MPPE1: variants seen among roughly 807,000 people sequenced by gnomAD.
MPPE1 encodes the protein metallo phosphoesterase.
In MPPE1, 28 loss-of-function variants were observed where a neutral mutation model predicts 43.8. The ratio of observed to expected loss-of-function variants is 0.64; its 90% CI spans 0.47 to 0.88. The LOEUF is 0.88. Ranked by LOEUF, MPPE1 falls within the 40% of genes least tolerant of loss-of-function variation. The pLI, the probability that MPPE1 is intolerant of heterozygous loss-of-function variation, is 0.00. For synonymous variants in MPPE1, 159 were observed against 188.5 expected (o/e 0.84, Z 1.28); for missense variants, 428 against 492.2 (o/e 0.87, Z 1.23).
rs764340835 is a variant in MPPE1 at position 11,884,596 on chromosome 18, G to C, written c.1040C>G (p.Ser347Cys). 1 of 1,613,900 alleles carries C rather than the reference G, an allele frequency of 6.2e-7. No individual in the cohort carries two copies. The highest frequency in any genetic ancestry group is 1.7e-5 in the Admixed American group (1 of 60,024). ...GSITPTDYTLSKCYLPREDVV... is the reference protein window; with the variant it reads ...GSITPTDYTLCKCYLPREDVV... ...ATCCTCACGTGGGAGGTAGCACTTG[G>C]AGAGGGTGTAGTCTGTGGGCGTGAT... The change falls in exon 11 of 11, where the codon TCC (serine) becomes TGC (cysteine). Residue 347 changes from serine to cysteine, a missense_variant. Physicochemically the swap from Ser to Cys is moderately radical, Grantham distance 112 (BLOSUM62 -1). Transcript: ENST00000588072.
At chr18:11,900,996 G>GGAAAAATT (rs1020595853) in intron 2 of MPPE1, among the ~76,000 whole-genome samples, 33 of 151,728 alleles carry the variant, frequency 2.2e-4, no homozygotes, top group African/African-American at 6.8e-4. Flanking sequence ...AAAACCTAAC[G>GGAAAAATT]GAAAAATTGG....
rs930805097 is a variant in MPPE1 at position 11,908,252 on chromosome 18, C to T, written c.-251G>A. ...ACAACGCCAGGCAGATGGGGAGCAC[C>T]GGGCGGTGCGGGAGCCCTTTCACCA... is the stretch of plus-strand genomic sequence containing the variant. On this transcript the variant is annotated 5_prime_UTR_variant, in exon 1 of 11. Coordinates refer to ENST00000588072, the MANE Select transcript of MPPE1 (RefSeq NM_023075.6). 6.6e-6 allele frequency: 1 copy of T among 152,254 alleles called. No individual in the cohort carries two copies. The highest frequency in any genetic ancestry group is 1.5e-5 in the Non-Finnish European group (1 of 68,056). The allele number at this position is 152,254 out of a possible 1,614,324, so 9.4% of individuals were successfully genotyped here. A position where few individuals can be genotyped will look rare whatever the true frequency, so the allele number is the denominator to read the frequency against.
Position 11,886,833 on chromosome 18 carries a change from A to C in MPPE1, c.679-55T>G. The C allele has an allele frequency of 6.2e-7, 1 of 1,600,572 alleles. No homozygotes were observed. Among genetic ancestry groups the C allele is most frequent in the Non-Finnish European group, 8.5e-7 (1 of 1,171,436 alleles). ...GCACACCTGACCCTCATCAAAGGGC[A>C]AGAAGCGCTAGGGGGCTGAGTGAGC... On this transcript the variant is annotated intron_variant, in intron 7 of 10. Coordinates refer to ENST00000588072, the MANE Select transcript of MPPE1 (RefSeq NM_023075.6). This position sits in a 1 kb window ranked among gnomAD's most constrained non-coding sequence, Gnocchi z 4.1.
rs1231467081 is a variant in MPPE1, at chr18:11,907,695, G to T, written c.-200+506C>A. On this transcript the variant is annotated intron_variant, in intron 1 of 10. Transcript: ENST00000588072. Reference sequence around the variant, plus strand: ...TTTTTGGTACTTTTGTTGTTATGGTGGGGGCGGGGGACTTGCTATGTTGCC... The same window carrying T: ...TTTTTGGTACTTTTGTTGTTATGGTTGGGGCGGGGGACTTGCTATGTTGCC... 2.7e-5 allele frequency among the ~76,000 whole-genome samples: 4 copies of T among 145,538 alleles called. No homozygotes were observed. In the East Asian group the frequency reaches 8.0e-4, roughly 29 times the overall value.
intron 3 of MPPE1, among the ~76,000 whole-genome samples, chr18:11,896,464 G>A (rs1427030298): frequency 1.3e-5 from 2 of 152,208 alleles, no homozygotes; most frequent in African/African-American, 4.8e-5. Context: ...AGGGGCAGGT[G>A]TGAGTTGGAA....
At chr18:11,893,352 G>A (rs2038216738) in intron 4 of MPPE1, 116 bp downstream of exon 4, 3 of 662,822 alleles carry the variant, frequency 4.5e-6, no homozygotes, top group East Asian at 5.4e-5. Context: ...AATATCAGTA[G>A]TAAGTACAAC....
chr18:11,886,377 G>A lies in MPPE1; in HGVS notation c.867+122C>T. On this transcript the variant is annotated intron_variant, in intron 9 of 10. Coordinates refer to ENST00000588072, the MANE Select transcript of MPPE1 (RefSeq NM_023075.6). The surrounding 1 kb of genome is among the most constrained non-coding windows in gnomAD (Gnocchi z 4.1). ...GGCCTCCACCCCTGTCCCCCCAGGT[G>A]ATAACTAAGTCATGAACGTTTCAGC... 2.9e-6 allele frequency: 4 copies of A among 1,385,356 alleles called. No homozygotes were observed. The South Asian group carries it at 4.7e-5, about 16-fold the overall frequency. 85.8% of individuals were successfully genotyped at this position (1,385,356 alleles called of 1,614,324 possible).
rs1035165956 is a variant in MPPE1 at position 11,885,839 on chromosome 18, C to A, written c.868-23G>T. ...CAGCTGACAGTGGCCGAGAAGACAG[C>A]AAAGCAGGCTGTTAGCTCATCCTCA... On this transcript the variant is annotated intron_variant, in intron 9 of 10. Transcript: ENST00000588072. 8 of 1,589,026 alleles carry A rather than the reference C, an allele frequency of 5.0e-6. No individual in the cohort carries two copies. In the African/African-American group the frequency reaches 1.1e-4, roughly 21 times the overall value.
At chr18:11,893,649 T>C in intron 3 of MPPE1, 73 bp from the exon 4 acceptor site, 1 of 1,193,886 alleles carries the variant, frequency 8.4e-7, no homozygotes, top group Non-Finnish European at 1.2e-6. Context: ...TTATGCACCA[T>C]TTAAACAGCA....
chr18:11,896,095 C>CTTTTTTTT (rs1178920790), intron 3 of MPPE1, among the ~76,000 whole-genome samples: 99 of 80,452 alleles, frequency 1.2e-3, no homozygotes, highest in Non-Finnish European at 1.6e-3. Flanking sequence ...ATTCTTTATT[C>CTTTTTTTT]TTTTTTTTTT....
chr18:11,900,487 CAA>C (rs1402653416), intron 2 of MPPE1, among the ~76,000 whole-genome samples: 4 of 151,994 alleles, frequency 2.6e-5, no homozygotes, highest in Non-Finnish European at 5.9e-5. Flanking sequence ...GACTGGGTAA[CAA>C]GAGCAAAACT....
intron 5 of MPPE1, 30 bp from the exon 6 acceptor site, chr18:11,888,773 T>G: frequency 7.1e-7 from 1 of 1,409,936 alleles, no homozygotes; most frequent in Non-Finnish European, 9.7e-7. Flanking sequence ...GAAACATTTT[T>G]CAGGACAAGC....
At chr18:11,887,194 A>G (rs2037415104) in intron 6 of MPPE1, among the ~76,000 whole-genome samples, 169 bp from the exon 7 acceptor site, 1 of 152,254 alleles carries the variant, frequency 6.6e-6, no homozygotes. Context: ...AGTCAATATT[A>G]ACAAAAATAG....
intron 6 of MPPE1, among the ~76,000 whole-genome samples, chr18:11,887,698 G>A (rs895374957): frequency 2.0e-5 from 3 of 152,198 alleles, no homozygotes; most frequent in African/African-American, 7.2e-5. Context: ...AATGACGAAA[G>A]TACCTGTCAG....
At chr18:11,901,239 T>C (rs2039168112) in intron 2 of MPPE1, among the ~76,000 whole-genome samples, 3 of 151,956 alleles carry the variant, frequency 2.0e-5, no homozygotes, top group Non-Finnish European at 4.4e-5. Context: ...TATTTATTTT[T>C]ATTTTTTTGA....
At chr18:11,892,355 GAAAAAA>G (rs548540889) in intron 4 of MPPE1, among the ~76,000 whole-genome samples, 33 of 93,512 alleles carry the variant, frequency 3.5e-4, no homozygotes, top group African/African-American at 9.3e-4. Flanking sequence ...GCACCAAAAA[GAAAAAA>G]AAAAAAAAAA....
At chr18:11,903,101 CCTACCAGGAATGTCAGGTG>C (rs2039359534) in intron 2 of MPPE1, among the ~76,000 whole-genome samples, 4 of 152,280 alleles carry the variant, frequency 2.6e-5, no homozygotes, top group Admixed American at 2.6e-4. Context: ...GCTCTTCCCA[CCTACCAGGAATGTCAGGTG>C]ATCACCAGGT....
At chr18:11,892,861 C>T (rs12457818) in intron 4 of MPPE1, among the ~76,000 whole-genome samples, 8,067 of 152,164 alleles carry the variant, frequency 0.053, 408 homozygotes, top group African/African-American at 0.14. Context: ...AAGCAAAACA[C>T]TGTGACAACT....
rs759496334 is a variant in MPPE1, at chr18:11,884,289, CTA to C, written c.*154_*155del. The C allele has an allele frequency of 5.8e-6, 4 of 691,362 alleles. No individual in the cohort carries two copies. Among genetic ancestry groups the C allele is most frequent in the South Asian group, 1.8e-5 (1 of 55,654 alleles). 42.8% of individuals were successfully genotyped at this position (691,362 alleles called of 1,614,324 possible). ...TATAGCATGAGAACAGTACAATCAA[CTA>C]TTTATTTTGCAGTTACTCATTTCAG... On this transcript the variant is annotated 3_prime_UTR_variant, in exon 11 of 11. Transcript: ENST00000588072.
Sources: allele counts gnomAD v4.1 joint callset (sites outside exome capture counted in the v4.1 genomes callset), GRCh38; gene constraint gnomAD v4.1.1; non-coding constraint Gnocchi (gnomAD v3.1); transcripts MANE v1.5; gene names NCBI Gene and HGNC (gene_info 2026-07-23, HGNC 2026-07-21).